Variants in ELP4 observed in about 807,000 individuals in gnomAD.
ELP4 encodes the protein elongator complex protein 4.
A neutral mutation model predicts 48.9 loss-of-function variants in ELP4; 51 were observed. That is an observed-to-expected ratio of 1.04 (90% CI 0.83 to 1.32). ELP4 has a LOEUF of 1.32. Among genes scored for constraint, ELP4 ranks in the 40% most tolerant of loss-of-function variants. The pLI is 0.00. For missense variants in ELP4, 519 were observed against 514.6 expected (o/e 1.01, Z -0.08); for synonymous variants, 210 against 189.2 (o/e 1.11, Z -0.90).
chr11:31,520,172 A>T (rs1330320594), intron 2 of ELP4, 81 bp downstream of exon 2: 4 of 1,176,844 alleles, frequency 3.4e-6, no homozygotes, highest in Non-Finnish European at 3.6e-6. Context: ...TCCCATTCCA[A>T]AATTATTTAA....
chr11:31,656,502 A>C (rs1945436300), intron 9 of ELP4, among the ~76,000 whole-genome samples: 2 of 152,184 alleles, frequency 1.3e-5, no homozygotes, highest in Admixed American at 6.6e-5. Context: ...AAATATAATT[A>C]AAATATGACA....
chr11:31,666,004 CTT>C (rs35902758), intron 9 of ELP4, among the ~76,000 whole-genome samples: 4 of 85,340 alleles, frequency 4.7e-5, no homozygotes, highest in African/African-American at 2.1e-4. Flanking sequence ...GTTTCAAATT[CTT>C]TTTTTTTTTT....
chr11:31,762,949 T>C (rs1282394888), intron 9 of ELP4, among the ~76,000 whole-genome samples: 3 of 151,876 alleles, frequency 2.0e-5, no homozygotes, highest in Non-Finnish European at 4.4e-5. Flanking sequence ...AATATAGAAA[T>C]GAGCAGTTTT....
chr11:31,594,109 T>C (rs896444149), intron 3 of ELP4, among the ~76,000 whole-genome samples: 1 of 152,180 alleles, frequency 6.6e-6, no homozygotes, highest in Non-Finnish European at 1.5e-5. Context: ...TTTCTTTGAA[T>C]TCTTTCTATA....
At chr11:31,607,905 G>A (rs1208804883) in intron 5 of ELP4, among the ~76,000 whole-genome samples, 1 of 152,146 alleles carries the variant, frequency 6.6e-6, no homozygotes, top group Non-Finnish European at 1.5e-5. Context: ...TAAAATAGAA[G>A]CAGCATTCCT....
intron 5 of ELP4, among the ~76,000 whole-genome samples, chr11:31,626,596 A>C (rs889642657): frequency 1.3e-5 from 2 of 151,890 alleles, no homozygotes; most frequent in African/African-American, 4.8e-5. Context: ...AGTGAAAATC[A>C]TACTCACTTT....
At position 31,667,574 on chromosome 11, in the gene ELP4, C is replaced by T. The variant is rs200356751; in HGVS notation, c.1143+17353C>T. On this transcript the variant is annotated intron_variant, in intron 9 of 9. Coordinates refer to ENST00000640961, the MANE Select transcript of ELP4 (RefSeq NM_019040.5). ...TTATTTTTATTTTAACTAATAGTTACCAGTGAGCCATGTAAGATTTAGGTA... is the reference window on the plus strand; with the variant it reads ...TTATTTTTATTTTAACTAATAGTTATCAGTGAGCCATGTAAGATTTAGGTA... 7.2e-5 allele frequency among the ~76,000 whole-genome samples: 11 copies of T among 152,174 alleles called. No homozygotes were observed. The East Asian group carries it at 2.1e-3, about 29-fold the overall frequency.
chr11:31,581,415 A>G (rs1403762212), intron 3 of ELP4, among the ~76,000 whole-genome samples: 2 of 152,122 alleles, frequency 1.3e-5, no homozygotes, highest in African/African-American at 2.4e-5. Flanking sequence ...ATGTCTGATA[A>G]TGTCTTAATT....
intron 5 of ELP4, among the ~76,000 whole-genome samples, chr11:31,611,685 T>A (rs1043579894): frequency 6.6e-6 from 1 of 152,236 alleles, no homozygotes; most frequent in Non-Finnish European, 1.5e-5. Context: ...GCACCTGCTA[T>A]GAGCCCAGCA....
chr11:31,724,308 AAAG>A (rs1947029150), intron 9 of ELP4, among the ~76,000 whole-genome samples: 1 of 152,210 alleles, frequency 6.6e-6, no homozygotes, highest in Admixed American at 6.5e-5. Flanking sequence ...CTCCCTGATC[AAAG>A]ATGATTTCAT....
chr11:31,629,477 C>T (rs1944813799), intron 6 of ELP4, among the ~76,000 whole-genome samples: 1 of 151,850 alleles, frequency 6.6e-6, no homozygotes, highest in Admixed American at 6.6e-5. Context: ...TGGGTACCCA[C>T]CTCACTTAAA....
intron 9 of ELP4, among the ~76,000 whole-genome samples, chr11:31,774,233 G>A (rs1007626144): frequency 2.6e-5 from 4 of 152,240 alleles, no homozygotes; most frequent in Non-Finnish European, 4.4e-5. Context: ...TCACTCTTTC[G>A]TCTTATCAGT....
At chr11:31,629,806 A>G (rs1944820744) in intron 6 of ELP4, among the ~76,000 whole-genome samples, 1 of 148,280 alleles carries the variant, frequency 6.7e-6, no homozygotes, top group Admixed American at 6.7e-5. Flanking sequence ...TTTTTCCAGA[A>G]TGCTCTTTCT....
intron 1 of ELP4, chr11:31,510,991 A>G (rs1421112413): frequency 6.6e-6 from 1 of 152,154 alleles, no homozygotes; most frequent in Non-Finnish European, 1.5e-5. Context: ...TTGTTCTTGT[A>G]CTTCGTTTGA....
rs1487278892 is a variant in ELP4, at chr11:31,576,004, TAA to T, written c.382-18764_382-18763del. On this transcript the variant is annotated intron_variant, in intron 3 of 9. Transcript: ENST00000640961. ...AAAAGACACAGACTGGAAAATTGGA[TAA>T]AGAGTCAAGACCCATCAGTGTGCTG... Among the ~76,000 whole-genome samples, 3 of 152,174 alleles carry T rather than the reference TAA, an allele frequency of 2.0e-5. No individual in the cohort carries two copies. In the South Asian group the frequency reaches 6.2e-4, roughly 32 times the overall value.
At chr11:31,561,797 A>T (rs1219758487) in intron 3 of ELP4, among the ~76,000 whole-genome samples, 1 of 152,210 alleles carries the variant, frequency 6.6e-6, no homozygotes, top group African/African-American at 2.4e-5. Context: ...TATTATGTAT[A>T]AACTTAATAA....
chr11:31,626,979 A>C, intron 5 of ELP4, 131 bp from the exon 6 acceptor site: 1 of 555,372 alleles, frequency 1.8e-6, no homozygotes, highest in Non-Finnish European at 3.3e-6. Context: ...ATTATATAAT[A>C]CTGTTTTGAC....
chr11:31,704,028 A>C (rs1440510576), intron 9 of ELP4, among the ~76,000 whole-genome samples: 1 of 152,202 alleles, frequency 6.6e-6, no homozygotes, highest in Non-Finnish European at 1.5e-5. Flanking sequence ...TGTAAAGCTT[A>C]ATTATATTTT....
At chr11:31,517,084 GT>G (rs1395768512) in intron 1 of ELP4, among the ~76,000 whole-genome samples, 2 of 152,018 alleles carry the variant, frequency 1.3e-5, no homozygotes, top group African/African-American at 4.8e-5. Context: ...CAAGTCTCAT[GT>G]TGCATATTAT....
Sources: gnomAD v4.1 joint callset for allele counts (sites outside exome capture counted in the v4.1 genomes callset) on GRCh38, gnomAD v4.1.1 for gene constraint, MANE v1.5 for transcripts, NCBI Gene and HGNC (gene_info 2026-07-23, HGNC 2026-07-21) for gene names.